The following S100A13 variants were observed in gnomAD, a reference collection of about 807,000 sequenced individuals.
S100A13 encodes protein S100-A13.
A neutral mutation model predicts 8.2 loss-of-function variants in S100A13; 6 were observed. The ratio of observed to expected loss-of-function variants is 0.73; its 90% CI spans 0.40 to 1.44. The LOEUF is 1.44. Ranked by LOEUF, S100A13 falls within the 40% of genes most tolerant of loss-of-function variation. The pLI is 0.02. For synonymous variants in S100A13, 39 were observed against 45.9 expected (o/e 0.85, Z 0.61); for missense variants, 114 against 113.6 (o/e 1.00, Z -0.02).
At chr1:153,631,769 C>T (rs149325998), upstream of S100A13, 8 of 1,614,046 alleles carry the variant, frequency 5.0e-6, no homozygotes, top group Non-Finnish European at 6.8e-6. Flanking sequence ...GGGAGGTGGA[C>T]TTCCAGGAGT....
At chr1:153,624,631 T>TA (rs1571288132) in intron 2 of S100A13, among the ~76,000 whole-genome samples, 2 of 94,522 alleles carry the variant, frequency 2.1e-5, no homozygotes, top group Non-Finnish European at 4.0e-5. Context: ...AAGTTTCCAG[T>TA]AAAAAAGATG....
At chr1:153,620,335 C>T (rs1347350492) in intron 2 of S100A13, among the ~76,000 whole-genome samples, 1 of 151,580 alleles carries the variant, frequency 6.6e-6, no homozygotes, top group Non-Finnish European at 1.5e-5. Context: ...ATAGTGCACA[C>T]CCGTAGTCCC....
upstream of S100A13, chr1:153,627,997 TG>T (rs1425668325): frequency 1.3e-6 from 2 of 1,542,906 alleles, no homozygotes; most frequent in Non-Finnish European, 1.8e-6. Context: ...AGAAGAGTCC[TG>T]GATTGAAATC....
At chr1:153,624,725 G>A (rs1036268165) in intron 2 of S100A13, among the ~76,000 whole-genome samples, 2 of 152,084 alleles carry the variant, frequency 1.3e-5, no homozygotes, top group African/African-American at 4.8e-5. Context: ...GATCACTTGA[G>A]GCCTAGAGTT....
At chr1:153,622,260 C>T (rs762713886) in intron 2 of S100A13, among the ~76,000 whole-genome samples, 2 of 152,018 alleles carry the variant, frequency 1.3e-5, no homozygotes, top group Non-Finnish European at 2.9e-5. Flanking sequence ...GTCCCAGCTA[C>T]TCAGGGAGGC....
At chr1:153,626,287 C>T (rs369208852) in intron 2 of S100A13, 33 bp downstream of exon 2, 1 of 1,604,896 alleles carries the variant, frequency 6.2e-7, no homozygotes, top group Non-Finnish European at 8.5e-7. Context: ...TAATCATCAT[C>T]TCACAAAATC....
At chr1:153,625,955 G>A (rs1415955807) in intron 2 of S100A13, among the ~76,000 whole-genome samples, 1 of 152,212 alleles carries the variant, frequency 6.6e-6, no homozygotes, top group Non-Finnish European at 1.5e-5. Flanking sequence ...ATCACCTGAG[G>A]TCAGGAGTTC....
chr1:153,631,737 G>T (rs1668020161), upstream of S100A13: 2 of 1,614,092 alleles, frequency 1.2e-6, no homozygotes, highest in Non-Finnish European at 1.7e-6. Context: ...GGTGATGAAG[G>T]AGCTAGACGA....
At chr1:153,632,298 G>A (rs370056283), upstream of S100A13, 3 of 113,090 alleles carry the variant, frequency 2.7e-5, 1 homozygote, top group African/African-American at 1.1e-4. Flanking sequence ...TGGAGACACA[G>A]TCTGGCTCTG....
At chr1:153,631,512 G>A, upstream of S100A13, 1 of 1,612,914 alleles carries the variant, frequency 6.2e-7, no homozygotes, top group Non-Finnish European at 8.5e-7. Context: ...ATTCTGCCAG[G>A]TGAAAGAGCT....
chr1:153,632,880 C>T (rs2101656582), upstream of S100A13, among the ~76,000 whole-genome samples: 1 of 152,252 alleles, frequency 6.6e-6, no homozygotes, highest in South Asian at 2.1e-4. Flanking sequence ...AGAAAAATCC[C>T]TTATTGAGGC....
rs1667050534 is a variant in S100A13 at position 153,618,836 on chromosome 1, G to A, written c.*59C>T. ...GGAGGAAGCTTTATTTGGGAAGAGTGCGGTTCTGCTCGGCCCTGATCAGCT... is the reference window on the plus strand; with the variant it reads ...GGAGGAAGCTTTATTTGGGAAGAGTACGGTTCTGCTCGGCCCTGATCAGCT... On this transcript the variant is annotated 3_prime_UTR_variant, in exon 3 of 3. Transcript: ENST00000476133. 2.6e-6 allele frequency: 4 copies of A among 1,531,222 alleles called. No individual in the cohort carries two copies. The South Asian group carries it at 3.5e-5, about 13-fold the overall frequency. 94.9% of individuals were successfully genotyped at this position (1,531,222 alleles called of 1,614,324 possible). A position where few individuals can be genotyped will look rare whatever the true frequency, so the allele number is the denominator to read the frequency against.
upstream of S100A13, chr1:153,630,728 C>A: frequency 6.4e-7 from 1 of 1,554,074 alleles, no homozygotes; most frequent in Non-Finnish European, 8.8e-7. Flanking sequence ...TGGACACCCC[C>A]TTGCTATCTC....
At chr1:153,633,928 C>A (rs1668189103), upstream of S100A13, 2 of 152,258 alleles carry the variant, frequency 1.3e-5, no homozygotes, top group African/African-American at 4.8e-5. Context: ...ATGGAAAGCC[C>A]CGCCTTCGCC....
chr1:153,621,299 G>C (rs1275585427), intron 2 of S100A13, among the ~76,000 whole-genome samples: 1 of 151,652 alleles, frequency 6.6e-6, no homozygotes, highest in Non-Finnish European at 1.5e-5. Context: ...TGGGATTATA[G>C]GCACCCACCA....
In S100A13 at chr1:153,626,546, G is replaced by A; in HGVS notation, c.-61-13C>T. 2.0e-6 allele frequency: 3 copies of A among 1,507,734 alleles called. No homozygotes were observed. The highest frequency in any genetic ancestry group is 2.7e-6 in the Non-Finnish European group (3 of 1,093,934). The allele number at this position is 1,507,734 out of a possible 1,614,324, so 93.4% of individuals were successfully genotyped here. A position where few individuals can be genotyped will look rare whatever the true frequency, so the allele number is the denominator to read the frequency against. The stretch of plus-strand genomic sequence containing the variant: ...TGTCAGGGCTGACCTGTGGAAGAGA[G>A]AAGGAGCAGAGAGGGAGAGTCAGGG... On this transcript the variant is annotated splice_polypyrimidine_tract_variant and intron_variant, in intron 1 of 2. Coordinates refer to ENST00000476133, the MANE Select transcript of S100A13 (RefSeq NM_001024211.2).
upstream of S100A13, chr1:153,631,230 G>A (rs1353262479): frequency 9.6e-6 from 5 of 521,510 alleles, no homozygotes; most frequent in South Asian, 2.6e-5. Flanking sequence ...CCAAAGTAAA[G>A]AAGCCTCAGG....
upstream of S100A13, chr1:153,631,977 C>T (rs1265878471): frequency 4.1e-6 from 4 of 981,996 alleles, no homozygotes; most frequent in Admixed American, 9.2e-5. Context: ...CCACCAAGGG[C>T]GCAAGAGTAG....
At chr1:153,621,916 A>G (rs1163548602) in intron 2 of S100A13, among the ~76,000 whole-genome samples, 3 of 152,176 alleles carry the variant, frequency 2.0e-5, no homozygotes, top group Non-Finnish European at 4.4e-5. Context: ...GAATTATATA[A>G]GCGTAAATCA....
Sources: gnomAD v4.1 joint callset for allele counts (sites outside exome capture counted in the v4.1 genomes callset) on GRCh38, gnomAD v4.1.1 for gene constraint, MANE v1.5 for transcripts, NCBI Gene and HGNC (gene_info 2026-07-23, HGNC 2026-07-21) for gene names.